TANGO6: variants seen among roughly 807,000 people sequenced by gnomAD.
The protein encoded by TANGO6 is transport and Golgi organization protein 6 homolog.
TANGO6 carries 90 observed loss-of-function variants against 114.2 expected under a neutral mutation model. The ratio of observed to expected loss-of-function variants is 0.79; its 90% CI spans 0.66 to 0.94. The LOEUF is 0.94. TANGO6 is among the 40% of genes least tolerant of loss of function. TANGO6 has a pLI of 0.00. For synonymous variants in TANGO6, 477 were observed against 509.8 expected (o/e 0.94, Z 0.87); for missense variants, 1,274 against 1,315.3 (o/e 0.97, Z 0.49).
intron 7 of TANGO6, among the ~76,000 whole-genome samples, chr16:68,889,912 G>A (rs774031311): frequency 3.3e-5 from 5 of 152,166 alleles, no homozygotes; most frequent in South Asian, 2.1e-4. Flanking sequence ...TTAAAAAGAC[G>A]ATCTTATGCA....
chr16:69,067,936 TC>T lies in TANGO6; in HGVS notation c.3109-15548del, dbSNP rs1180466683. 3.1e-3 allele frequency among the ~76,000 whole-genome samples: 284 copies of T among 90,786 alleles called. 2 individuals are homozygous for T. Among genetic ancestry groups the T allele is most frequent in the African/African-American group, 0.014 (275 of 19,238 alleles). The allele number at this position is 90,786 out of a possible 152,430, so 59.6% of individuals were successfully genotyped here. On this transcript the variant is annotated intron_variant, in intron 17 of 17. Transcript: ENST00000261778. ...TGGACAACAAGAGTGAAACTCTGTC[TC>T]AAAAAAAAAAAAAAAAAAAGAAAAT...
chr16:68,966,740 A>G (rs894462157), intron 14 of TANGO6, among the ~76,000 whole-genome samples: 6 of 150,534 alleles, frequency 4.0e-5, no homozygotes, highest in Non-Finnish European at 8.9e-5. Flanking sequence ...AGTAGTTAGG[A>G]CTAGAGGCAT....
rs1466233847 is a variant in TANGO6 at position 68,930,296 on chromosome 16, G to T, written c.2701+1G>T. The T allele has an allele frequency of 1.3e-6, 2 of 1,553,420 alleles. No individual in the cohort carries two copies. The highest frequency in any genetic ancestry group is 1.7e-6 in the Non-Finnish European group (2 of 1,147,366). ...TTTGTATATCTATCTGCAATTCAGG[G>T]TAAGTCAGTCCTGGTTAAAGGACTT... On this transcript the variant is annotated splice_donor_variant, in intron 14 of 17. Transcript: ENST00000261778. LOFTEE classifies it high-confidence loss of function.
intron 14 of TANGO6, 75 bp downstream of exon 14, chr16:68,930,370 T>G: frequency 7.6e-7 from 1 of 1,320,824 alleles, no homozygotes; most frequent in Non-Finnish European, 1.1e-6. Flanking sequence ...ACAAAATCTC[T>G]AAAGTCCTAG....
chr16:68,882,400 A>G (rs957408562), intron 7 of TANGO6, among the ~76,000 whole-genome samples: 23 of 152,068 alleles, frequency 1.5e-4, no homozygotes, highest in East Asian at 3.9e-4. Context: ...GGGAGGCTGA[A>G]ACAGGAGAAT....
chr16:68,873,595 T>A (rs1274799162), intron 4 of TANGO6, among the ~76,000 whole-genome samples: 1 of 152,230 alleles, frequency 6.6e-6, no homozygotes, highest in African/African-American at 2.4e-5. Flanking sequence ...ATTACAGGTG[T>A]CAGCCACCGT....
At chr16:69,045,443 C>CA (rs1389960740) in intron 17 of TANGO6, among the ~76,000 whole-genome samples, 2,472 of 53,670 alleles carry the variant, frequency 0.046, 114 homozygotes, top group South Asian at 0.17. Flanking sequence ...GACTCCATCT[C>CA]AAAAAAAAAA....
chr16:68,950,676 T>G (rs1427441385), intron 14 of TANGO6, among the ~76,000 whole-genome samples: 1 of 150,920 alleles, frequency 6.6e-6, no homozygotes, highest in African/African-American at 2.4e-5. Context: ...TTGGCCAACA[T>G]GGTGAAACCC....
At chr16:68,890,861 C>CA (rs1339872433) in intron 7 of TANGO6, among the ~76,000 whole-genome samples, 1 of 149,860 alleles carries the variant, frequency 6.7e-6, no homozygotes, top group African/African-American at 2.5e-5. Context: ...TCTCTACTAC[C>CA]AAAAAAATAA....
intron 1 of TANGO6, among the ~76,000 whole-genome samples, chr16:68,850,768 C>G (rs1391590764): frequency 6.6e-6 from 1 of 152,144 alleles, no homozygotes; most frequent in African/African-American, 2.4e-5. Context: ...CCAGTAAAAC[C>G]TTATTCATGA....
chr16:68,896,164 A>T (rs1339264473), intron 7 of TANGO6, among the ~76,000 whole-genome samples: 2 of 151,374 alleles, frequency 1.3e-5, no homozygotes, highest in African/African-American at 4.9e-5. Flanking sequence ...ACCCCACCAC[A>T]CCTGGCTAGT....
chr16:69,060,441 A>G (rs1336862368), intron 17 of TANGO6, among the ~76,000 whole-genome samples: 2 of 152,148 alleles, frequency 1.3e-5, no homozygotes, highest in Non-Finnish European at 2.9e-5. Flanking sequence ...ACTAAAATAA[A>G]AAATGTAGCT....
chr16:68,936,160 G>A (rs760464201), intron 14 of TANGO6, among the ~76,000 whole-genome samples: 2 of 152,090 alleles, frequency 1.3e-5, no homozygotes, highest in African/African-American at 2.4e-5. Context: ...CTCCATCCTA[G>A]GTGACAGAGT....
chr16:68,853,529 G>T (rs925127245), intron 1 of TANGO6, among the ~76,000 whole-genome samples: 7 of 152,064 alleles, frequency 4.6e-5, no homozygotes, highest in African/African-American at 1.7e-4. Context: ...ATATAAACAA[G>T]AAACATCTTT....
At chr16:68,864,316 G>T (rs551214212) in intron 3 of TANGO6, among the ~76,000 whole-genome samples, 2 of 152,316 alleles carry the variant, frequency 1.3e-5, no homozygotes, top group South Asian at 4.1e-4. Context: ...GCTCACACCT[G>T]TAAACCCAGC....
chr16:68,980,405 CTCTCTA>C (rs1253638594), intron 15 of TANGO6, among the ~76,000 whole-genome samples: 9 of 67,402 alleles, frequency 1.3e-4, no homozygotes, highest in African/African-American at 4.4e-4. Flanking sequence ...CTCTCTCTCT[CTCTCTA>C]TATATATATA....
In TANGO6 at chr16:69,000,602, T is replaced by C. The variant is rs549783855; in HGVS notation, c.2843-22226T>C. On this transcript the variant is annotated intron_variant, in intron 15 of 17. Transcript: ENST00000261778. Reference sequence around the variant, plus strand: ...AACAAAAATCTTTCTTTTTTTTTTCTTTTTTTTGAGACAGGCTGTCACTCT... The same window carrying C: ...AACAAAAATCTTTCTTTTTTTTTTCCTTTTTTTGAGACAGGCTGTCACTCT... 7.2e-5 allele frequency among the ~76,000 whole-genome samples: 11 copies of C among 151,968 alleles called. No homozygotes were observed. In the South Asian group the frequency reaches 2.1e-3, roughly 29 times the overall value.
chr16:68,918,340 C>A (rs1303486143), intron 11 of TANGO6, among the ~76,000 whole-genome samples: 4 of 152,140 alleles, frequency 2.6e-5, no homozygotes, highest in Admixed American at 2.6e-4. Flanking sequence ...GTGTCTTTCG[C>A]AGAGCAGGAA....
chr16:68,871,126 A>C (rs552791512), intron 4 of TANGO6, among the ~76,000 whole-genome samples: 1 of 152,108 alleles, frequency 6.6e-6, no homozygotes, highest in East Asian at 1.9e-4. Flanking sequence ...TTGTCTGAAA[A>C]AGTCTAGTTC....
Sources: gnomAD v4.1 joint callset for allele counts (sites outside exome capture counted in the v4.1 genomes callset) on GRCh38, gnomAD v4.1.1 for gene constraint, MANE v1.5 for transcripts, NCBI Gene and HGNC (gene_info 2026-07-23, HGNC 2026-07-21) for gene names.